The following EHD4 variants were observed in gnomAD, a reference collection of about 807,000 sequenced individuals.
The protein encoded by EHD4 is EH domain containing 4.
Under a neutral mutation model 51.0 loss-of-function variants are expected in EHD4, and 37 were observed. The observed-to-expected ratio is 0.73, with a 90% CI of 0.56 to 0.95. The LOEUF is 0.95. EHD4 is among the 40% of genes least tolerant of loss of function. The pLI, the probability that EHD4 is intolerant of heterozygous loss-of-function variation, is 0.00. For synonymous variants in EHD4, 297 were observed against 317.3 expected (o/e 0.94, Z 0.68); for missense variants, 632 against 733.1 (o/e 0.86, Z 1.59).
chr15:41,918,108 T>A (rs1314324353), intron 4 of EHD4, among the ~76,000 whole-genome samples: 1 of 152,022 alleles, frequency 6.6e-6, no homozygotes, highest in Non-Finnish European at 1.5e-5. Context: ...GCTGTCCCCA[T>A]CAGGGAAGCC....
chr15:41,957,683 C>G (rs2067896565), intron 1 of EHD4, among the ~76,000 whole-genome samples: 1 of 152,210 alleles, frequency 6.6e-6, no homozygotes, highest in South Asian at 2.1e-4. Context: ...GGGTCCTACA[C>G]TGCCCCCAGC....
chr15:41,927,700 G>A (rs577254156), intron 3 of EHD4, among the ~76,000 whole-genome samples: 1 of 152,304 alleles, frequency 6.6e-6, no homozygotes, highest in South Asian at 2.1e-4. Context: ...AGAAGGAAAT[G>A]GGGCTTTGCT....
chr15:41,939,353 A>G (rs1353386246), intron 3 of EHD4, among the ~76,000 whole-genome samples: 1 of 152,190 alleles, frequency 6.6e-6, no homozygotes, highest in Non-Finnish European at 1.5e-5. Context: ...TCAGCCAGGA[A>G]AGCTACAGGT....
At chr15:41,936,014 C>T (rs1455355741) in intron 3 of EHD4, among the ~76,000 whole-genome samples, 2 of 152,222 alleles carry the variant, frequency 1.3e-5, no homozygotes, top group Non-Finnish European at 2.9e-5. Context: ...GTCTCAGTCA[C>T]AGTATGACAA....
In EHD4 at chr15:41,909,737, T is replaced by C. The variant is rs879454396; in HGVS notation, c.1051A>G (p.Ile351Val). 2 of 1,614,166 alleles carry C rather than the reference T, an allele frequency of 1.2e-6. No homozygotes were observed. Among genetic ancestry groups the C allele is most frequent in the African/African-American group, 1.3e-5 (1 of 75,038 alleles). ...IYIQLQREYQ[I>V]SAGDFPEVKA... ...ACCTCAGGGAAGTCCCCTGCAGAAATCTGGTATTCTCGCTGTAGCTGAATG... is the reference window on the plus strand; with the variant it reads ...ACCTCAGGGAAGTCCCCTGCAGAAACCTGGTATTCTCGCTGTAGCTGAATG... Residue 351 changes from isoleucine (I) to valine (V), a missense_variant, in exon 5 of 6, where the codon ATT (isoleucine) becomes GTT (valine). Transcript: ENST00000220325.
At chr15:41,948,206 T>C (rs926175421) in intron 2 of EHD4, among the ~76,000 whole-genome samples, 1 of 152,032 alleles carries the variant, frequency 6.6e-6, no homozygotes, top group Non-Finnish European at 1.5e-5. Flanking sequence ...TGAGCCAAGA[T>C]TGCGCCACTG....
In EHD4 at chr15:41,899,028, A is replaced by G. The variant is rs1352289647; in HGVS notation, c.*1617T>C. The stretch of plus-strand genomic sequence containing the variant: ...CTCCCAAATCAAGATTTTCTCTTCA[A>G]TCTGTGCCTTTGACCCTGTCACCAA... On this transcript the variant is annotated 3_prime_UTR_variant, in exon 6 of 6. Transcript: ENST00000220325. 1 of 151,744 alleles carries G rather than the reference A, an allele frequency of 6.6e-6. No homozygotes were observed. The highest frequency in any genetic ancestry group is 1.5e-5 in the Non-Finnish European group (1 of 68,008). 9.4% of individuals were successfully genotyped at this position (151,744 alleles called of 1,614,324 possible). A position where few individuals can be genotyped will look rare whatever the true frequency, so the allele number is the denominator to read the frequency against.
chr15:41,901,882 A>C lies in EHD4; in HGVS notation c.1090-701T>G, dbSNP rs556228995. 7.9e-5 allele frequency among the ~76,000 whole-genome samples: 12 copies of C among 152,360 alleles called. No individual in the cohort carries two copies. The East Asian group carries it at 2.1e-3, about 27-fold the overall frequency. ...TGCTACCCCAGGAAGGTATCGAGGC[A>C]GGGCCACGGAGACCTTGCATATACA... On this transcript the variant is annotated intron_variant, in intron 5 of 5. Coordinates refer to ENST00000220325, the MANE Select transcript of EHD4 (RefSeq NM_139265.4).
At chr15:41,918,627 A>T (rs1238908946) in intron 4 of EHD4, among the ~76,000 whole-genome samples, 4 of 152,106 alleles carry the variant, frequency 2.6e-5, no homozygotes, top group African/African-American at 9.7e-5. Context: ...CCAGGAGCCC[A>T]GGCATGCAGG....
At chr15:41,906,722 G>A (rs542682866) in intron 5 of EHD4, among the ~76,000 whole-genome samples, 9 of 152,358 alleles carry the variant, frequency 5.9e-5, no homozygotes, top group Admixed American at 1.3e-4. Flanking sequence ...CTGGGGCTTT[G>A]GGGTTGCGGG....
At chr15:41,941,500 C>A (rs913462990) in intron 3 of EHD4, 2 of 151,486 alleles carry the variant, frequency 1.3e-5, no homozygotes, top group Non-Finnish European at 2.9e-5. Context: ...TGACTGAATC[C>A]TTTGCCATAA....
chr15:41,929,097 A>G (rs2067682170), intron 3 of EHD4, among the ~76,000 whole-genome samples: 1 of 152,212 alleles, frequency 6.6e-6, no homozygotes, highest in Non-Finnish European at 1.5e-5. Context: ...TACCTAGCCT[A>G]AAGTGGGTGT....
chr15:41,958,392 G>A (rs572430414), intron 1 of EHD4, among the ~76,000 whole-genome samples: 10 of 152,274 alleles, frequency 6.6e-5, no homozygotes, highest in African/African-American at 1.9e-4. Context: ...CTGGTCCGAT[G>A]AGGTCCCCAG....
chr15:41,942,950 C>T, intron 3 of EHD4, 117 bp downstream of exon 3: 1 of 993,354 alleles, frequency 1.0e-6, no homozygotes, highest in Non-Finnish European at 1.5e-6. Context: ...GCCCCTTCAG[C>T]TGCCCAACAG....
At chr15:41,929,030 G>A (rs1468057398) in intron 3 of EHD4, 1 of 152,180 alleles carries the variant, frequency 6.6e-6, no homozygotes, top group Non-Finnish European at 1.5e-5. Flanking sequence ...AGCTGGTAAT[G>A]GCCACCTCTT....
rs746779927 is a variant in EHD4, at chr15:41,897,239, A to C, written c.*3406T>G. The C allele has an allele frequency of 1.9e-4, 29 of 152,282 alleles. No homozygotes were observed. The highest frequency in any genetic ancestry group is 5.8e-4 in the African/African-American group (24 of 41,472). 9.4% of individuals were successfully genotyped at this position (152,282 alleles called of 1,614,324 possible). A position where few individuals can be genotyped will look rare whatever the true frequency, so the allele number is the denominator to read the frequency against. ...GCTACATCCCATGGAGAAAATAAACAGTGAAACACTTTCCTCATCTTCAAG... is the reference window on the plus strand; with the variant it reads ...GCTACATCCCATGGAGAAAATAAACCGTGAAACACTTTCCTCATCTTCAAG... On this transcript the variant is annotated 3_prime_UTR_variant, in exon 6 of 6. Transcript: ENST00000220325.
At chr15:41,909,649 G>C (rs766852791) in intron 5 of EHD4, 50 bp downstream of exon 5, 3 of 1,602,780 alleles carry the variant, frequency 1.9e-6, no homozygotes, top group Non-Finnish European at 2.6e-6. Flanking sequence ...AGACAATGTG[G>C]CACTGCACCT....
rs2067467144 is a variant in EHD4, at chr15:41,900,325, G to T, written c.*320C>A. On this transcript the variant is annotated 3_prime_UTR_variant, in exon 6 of 6. Coordinates refer to ENST00000220325, the MANE Select transcript of EHD4 (RefSeq NM_139265.4). This position sits in a 1 kb window ranked among gnomAD's most constrained non-coding sequence, Gnocchi z 4.8. Reference sequence around the variant, plus strand: ...GGTGAGCCTTAGCTCACTTCCTGTGGTTCCTGGGACTTACCAGGCCCACCC... The same window carrying T: ...GGTGAGCCTTAGCTCACTTCCTGTGTTTCCTGGGACTTACCAGGCCCACCC... 3.0e-6 allele frequency: 1 copy of T among 336,362 alleles called. No homozygotes were observed. Among genetic ancestry groups the T allele is most frequent in the East Asian group, 5.2e-5 (1 of 19,274 alleles). The allele number at this position is 336,362 out of a possible 1,614,324, so 20.8% of individuals were successfully genotyped here. A position where few individuals can be genotyped will look rare whatever the true frequency, so the allele number is the denominator to read the frequency against.
chr15:41,965,317 C>A (rs529979045), intron 1 of EHD4, among the ~76,000 whole-genome samples: 1 of 152,262 alleles, frequency 6.6e-6, no homozygotes, highest in East Asian at 1.9e-4. Context: ...CAAAAAAGAA[C>A]CCCATTTATT....
Sources: allele counts gnomAD v4.1 joint callset (sites outside exome capture counted in the v4.1 genomes callset), GRCh38; gene constraint gnomAD v4.1.1; non-coding constraint Gnocchi (gnomAD v3.1); transcripts MANE v1.5; gene names NCBI Gene and HGNC (gene_info 2026-07-23, HGNC 2026-07-21).